WDHD1: variants seen among roughly 807,000 people sequenced by gnomAD.
WDHD1 encodes WD repeat and HMG-box DNA-binding protein 1.
WDHD1 carries 111 observed loss-of-function variants against 135.4 expected under a neutral mutation model. That is an observed-to-expected ratio of 0.82 (90% confidence interval 0.70 to 0.96). The LOEUF (loss-of-function observed/expected upper bound fraction) is 0.96, where lower values mean the gene tolerates loss of function less well. Among genes scored for constraint, WDHD1 ranks in the 40% least tolerant of loss-of-function variants. The probability of loss-of-function intolerance (pLI) is 0.00; values close to 1 mark genes in which losing one functional copy is unlikely to be tolerated. For missense variants in WDHD1, 1,351 were observed against 1,336.3 expected (o/e 1.01, Z -0.17); for synonymous variants, 434 against 439.0 (o/e 0.99, Z 0.14).
intron 16 of WDHD1, among the ~76,000 whole-genome samples, chr14:54,974,348 G>A (rs1352108005): frequency 1.3e-5 from 2 of 151,660 alleles, no homozygotes; most frequent in African/African-American, 2.4e-5. Context: ...ACGGAGGATC[G>A]CTTGAGGCCA....
At chr14:55,016,489 T>A (rs1464715436) in intron 2 of WDHD1, among the ~76,000 whole-genome samples, 1 of 152,192 alleles carries the variant, frequency 6.6e-6, no homozygotes, top group Non-Finnish European at 1.5e-5. Flanking sequence ...CGAAGAAGCA[T>A]CAGTATCTAT....
chr14:54,948,173 T>C (rs2140149752), intron 24 of WDHD1, among the ~76,000 whole-genome samples: 1 of 152,178 alleles, frequency 6.6e-6, no homozygotes, highest in Non-Finnish European at 1.5e-5. Context: ...GGTACCAGGT[T>C]CATCTCACTA....
intron 8 of WDHD1, 58 bp downstream of exon 8, chr14:55,002,035 A>G (rs1201017187): frequency 1.6e-6 from 2 of 1,241,336 alleles, no homozygotes; most frequent in Non-Finnish European, 2.3e-6. Context: ...GTATTCAGGC[A>G]AACTACGCAT....
intron 12 of WDHD1, among the ~76,000 whole-genome samples, chr14:54,990,415 G>A (rs1338883699): frequency 3.3e-5 from 5 of 152,056 alleles, no homozygotes; most frequent in Non-Finnish European, 5.9e-5. Context: ...GTCTAACATG[G>A]TGAAATCCCA....
At chr14:54,998,718 C>T (rs1269413654) in intron 10 of WDHD1, among the ~76,000 whole-genome samples, 1 of 152,042 alleles carries the variant, frequency 6.6e-6, no homozygotes, top group Non-Finnish European at 1.5e-5. Flanking sequence ...CCTTTCACAA[C>T]CACCCCAACC....
chr14:55,007,232 A>AAAT, intron 7 of WDHD1, 48 bp downstream of exon 7: 1 of 324,228 alleles, frequency 3.1e-6, no homozygotes, highest in Non-Finnish European at 4.8e-6. Flanking sequence ...CATCTCTAAT[A>AAAT]AAAAAAAAAA....
At chr14:54,968,740 A>G (rs1050750796) in intron 16 of WDHD1, among the ~76,000 whole-genome samples, 4 of 152,116 alleles carry the variant, frequency 2.6e-5, no homozygotes, top group African/African-American at 9.7e-5. Context: ...GAACACTTCT[A>G]TGTGCACAAA....
chr14:54,982,507 T>TA (rs151021045), intron 15 of WDHD1, among the ~76,000 whole-genome samples: 3,027 of 152,230 alleles, frequency 0.02, 73 homozygotes, highest in African/African-American at 0.06. Flanking sequence ...AAGCAATTCT[T>TA]ACCTCGTAAA....
At chr14:54,980,536 G>A (rs989824820) in intron 16 of WDHD1, among the ~76,000 whole-genome samples, 24 of 152,170 alleles carry the variant, frequency 1.6e-4, no homozygotes, top group African/African-American at 5.5e-4. Context: ...CCAGGACCAG[G>A]TACGGTGGCT....
chr14:54,962,692 ATCCATGATAGT>A (rs761170010), intron 20 of WDHD1, 35 bp downstream of exon 20: 71 of 1,601,888 alleles, frequency 4.4e-5, no homozygotes, highest in Non-Finnish European at 4.9e-5. Context: ...GAAAAGCCAC[ATCCATGATAGT>A]TCTCATGATT....
At chr14:54,964,411 C>T (rs927763639) in intron 18 of WDHD1, among the ~76,000 whole-genome samples, 1 of 152,058 alleles carries the variant, frequency 6.6e-6, no homozygotes, top group African/African-American at 2.4e-5. Flanking sequence ...GAGACTGAGA[C>T]AGGTGGATCA....
chr14:55,015,163 A>G lies in WDHD1; in HGVS notation c.78-1567T>C, dbSNP rs541567585. On this transcript the variant is annotated intron_variant, in intron 2 of 25. Coordinates refer to ENST00000360586, the MANE Select transcript of WDHD1 (RefSeq NM_007086.4). ...TTTCACTTTAAAACATATTAGTATT[A>G]GTTGCATCAAAATTGGCTAGGGTGG... is the stretch of plus-strand genomic sequence containing the variant. Among the ~76,000 whole-genome samples the G allele has an allele frequency of 3.3e-5, 5 of 152,148 alleles. No individual in the cohort carries two copies. The South Asian group carries it at 1.0e-3, about 32-fold the overall frequency.
chr14:54,992,501 A>G (rs1260805244), intron 11 of WDHD1, among the ~76,000 whole-genome samples: 1 of 152,164 alleles, frequency 6.6e-6, no homozygotes, highest in Non-Finnish European at 1.5e-5. Flanking sequence ...AAAAATAAAA[A>G]CAAGAAATTT....
At chr14:54,943,089 C>T (rs2040864079) in intron 25 of WDHD1, among the ~76,000 whole-genome samples, 1 of 152,194 alleles carries the variant, frequency 6.6e-6, no homozygotes, top group Admixed American at 6.5e-5. Flanking sequence ...TTACTAGGTG[C>T]CTGTGCTGCG....
chr14:55,005,093 G>T, intron 7 of WDHD1: 1 of 535,978 alleles, frequency 1.9e-6, no homozygotes, highest in Non-Finnish European at 3.7e-6. Flanking sequence ...GAACACTGTA[G>T]AAGTAGAGAT....
chr14:54,967,798 T>C (rs1013379915), intron 16 of WDHD1, among the ~76,000 whole-genome samples: 1 of 152,120 alleles, frequency 6.6e-6, no homozygotes, highest in African/African-American at 2.4e-5. Context: ...CTTTTGTATT[T>C]TCAGTAGCGA....
chr14:54,950,525 C>A (rs901576649), intron 24 of WDHD1, among the ~76,000 whole-genome samples: 1 of 152,220 alleles, frequency 6.6e-6, no homozygotes, highest in Admixed American at 6.5e-5. Context: ...TACAAAGAGA[C>A]TTAGACTCCC....
At chr14:55,020,999 C>T (rs536118486) in intron 2 of WDHD1, among the ~76,000 whole-genome samples, 3 of 152,076 alleles carry the variant, frequency 2.0e-5, no homozygotes, top group Admixed American at 1.3e-4. Flanking sequence ...ACGGGGAACA[C>T]GAAGAGGAGT....
rs566906087 is a variant in WDHD1 at position 54,960,884 on chromosome 14, C to T, written c.2701+1614G>A. ...GTGCAACCATAGCCTACTGCACCCT[C>T]GAACTCCTGGGCTCAAGATATCCTC... On this transcript the variant is annotated intron_variant, in intron 21 of 25. Transcript: ENST00000360586. Among the ~76,000 whole-genome samples, 46 of 152,306 alleles carry T rather than the reference C, an allele frequency of 3.0e-4. 1 individual carries two copies. The highest frequency in any genetic ancestry group is 5.3e-4 in the Non-Finnish European group (36 of 68,020).
Sources: gnomAD v4.1 joint callset for allele counts (sites outside exome capture counted in the v4.1 genomes callset) on GRCh38, gnomAD v4.1.1 for gene constraint, MANE v1.5 for transcripts, NCBI Gene and HGNC (gene_info 2026-07-23, HGNC 2026-07-21) for gene names.